The following TESK2 variants were observed in gnomAD, a reference collection of about 807,000 sequenced individuals.
The protein encoded by TESK2 is dual specificity testis-specific protein kinase 2.
A neutral mutation model predicts 57.1 loss-of-function variants in TESK2; 39 were observed. The observed-to-expected ratio is 0.68, with a 90% CI of 0.53 to 0.89. The LOEUF is 0.89. TESK2 is among the 40% of genes least tolerant of loss of function. The probability of loss-of-function intolerance (pLI) is 0.00; values close to 1 mark genes in which losing one functional copy is unlikely to be tolerated. For synonymous variants in TESK2, 249 were observed against 267.9 expected (o/e 0.93, Z 0.69); for missense variants, 646 against 732.1 (o/e 0.88, Z 1.36).
chr1:45,476,993 G>A (rs1437255858), intron 1 of TESK2, among the ~76,000 whole-genome samples: 1 of 146,344 alleles, frequency 6.8e-6, no homozygotes, highest in African/African-American at 2.5e-5. Context: ...GAAGAGGTGG[G>A]TTCTTACTAT....
At chr1:45,472,573 A>G (rs1652812886) in intron 1 of TESK2, among the ~76,000 whole-genome samples, 1 of 151,960 alleles carries the variant, frequency 6.6e-6, no homozygotes, top group Non-Finnish European at 1.5e-5. Context: ...AAAAAAAAAA[A>G]AAAGGTGATC....
Position 45,474,450 on chromosome 1 carries a change from G to T in TESK2, c.-87+16402C>A, listed in dbSNP as rs1210513227. 2.0e-5 allele frequency among the ~76,000 whole-genome samples: 3 copies of T among 152,142 alleles called. No individual in the cohort carries two copies. In the East Asian group the frequency reaches 5.8e-4, roughly 29 times the overall value. Reference sequence around the variant, plus strand: ...GAGACCAGCCTGGGCAACATAGCAAGACCCCATCTCTTTTTTTTTTATTGT... The same window carrying T: ...GAGACCAGCCTGGGCAACATAGCAATACCCCATCTCTTTTTTTTTTATTGT... On this transcript the variant is annotated intron_variant, in intron 1 of 10. Transcript: ENST00000372086.
rs562392240 is a variant in TESK2, at chr1:45,450,372, C to T, written c.222+7192G>A. ...ACTAAAAGTACAAAAATTACCTGGG[C>T]GTGGTGGCATGAGCCTGAAATCCCA... On this transcript the variant is annotated intron_variant, in intron 2 of 10. Transcript: ENST00000372086. Among the ~76,000 whole-genome samples, 9 of 152,122 alleles carry T rather than the reference C, an allele frequency of 5.9e-5. No homozygotes were observed. In the East Asian group the frequency reaches 7.7e-4, roughly 13 times the overall value.
intron 1 of TESK2, among the ~76,000 whole-genome samples, chr1:45,461,011 C>T (rs1166102582): frequency 6.6e-6 from 1 of 152,016 alleles, no homozygotes; most frequent in Non-Finnish European, 1.5e-5. Flanking sequence ...GTTTAAAACC[C>T]AGAGTCATGG....
At chr1:45,457,952 T>C (rs1434846789) in intron 1 of TESK2, 81 bp from the exon 2 acceptor site, 6 of 596,314 alleles carry the variant, frequency 1.0e-5, no homozygotes, top group Non-Finnish European at 1.8e-5. Context: ...TGCAAAAATA[T>C]TTCCTTTCAC....
chr1:45,467,920 C>T (rs1652619002), intron 1 of TESK2, among the ~76,000 whole-genome samples: 1 of 151,848 alleles, frequency 6.6e-6, no homozygotes, highest in East Asian at 1.9e-4. Flanking sequence ...CGTCTGTAAT[C>T]CCCCAACAAT....
At chr1:45,443,813 C>A (rs1651543645) in intron 2 of TESK2, among the ~76,000 whole-genome samples, 1 of 152,070 alleles carries the variant, frequency 6.6e-6, no homozygotes, top group Non-Finnish European at 1.5e-5. Context: ...CTAAACATCA[C>A]CTACCGGTGC....
At chr1:45,423,558 C>T (rs1262656655) in intron 2 of TESK2, among the ~76,000 whole-genome samples, 6 of 12,310 alleles carry the variant, frequency 4.9e-4, no homozygotes, top group South Asian at 3.1e-3. Context: ...TTCCGTCTCG[C>T]GAAAAAAAAA....
chr1:45,482,877 G>A (rs547870379), intron 1 of TESK2, among the ~76,000 whole-genome samples: 18 of 151,746 alleles, frequency 1.2e-4, no homozygotes, highest in Admixed American at 1.1e-3. Context: ...CTACTCGGGA[G>A]GCTGAGGCAG....
chr1:45,455,614 G>A (rs1029921338), intron 2 of TESK2, among the ~76,000 whole-genome samples: 7 of 152,120 alleles, frequency 4.6e-5, no homozygotes, highest in Admixed American at 1.3e-4. Flanking sequence ...GTGAGTTAAC[G>A]TTTCATGGGT....
In TESK2 at chr1:45,491,086, G is replaced by A. The variant is rs894871972; in HGVS notation, c.-321C>T. On this transcript the variant is annotated 5_prime_UTR_variant, in exon 1 of 11. Transcript: ENST00000372086. ...CGGGGCCGCTCCCCCCGCCTGTTTG[G>A]CGGGGCCAGGAGGACGATCCGACCA... 6.6e-6 allele frequency: 1 copy of A among 152,248 alleles called. No homozygotes were observed. The highest frequency in any genetic ancestry group is 1.5e-5 in the Non-Finnish European group (1 of 68,072). 9.4% of individuals were successfully genotyped at this position (152,248 alleles called of 1,614,324 possible).
intron 4 of TESK2, among the ~76,000 whole-genome samples, chr1:45,360,986 T>C (rs1248040542): frequency 2.0e-5 from 3 of 152,164 alleles, no homozygotes; most frequent in Admixed American, 6.5e-5. Context: ...CCAGCTAATT[T>C]TTGTATTTTT....
intron 1 of TESK2, among the ~76,000 whole-genome samples, chr1:45,477,757 C>T (rs898365231): frequency 1.3e-5 from 2 of 152,100 alleles, no homozygotes; most frequent in Non-Finnish European, 2.9e-5. Context: ...TTCTTTAGCC[C>T]GGCATTCGAA....
At chr1:45,365,394 C>T (rs1647870871) in intron 4 of TESK2, among the ~76,000 whole-genome samples, 1 of 152,178 alleles carries the variant, frequency 6.6e-6, no homozygotes, top group Non-Finnish European at 1.5e-5. Flanking sequence ...GTTAATAACC[C>T]AAAATATATT....
intron 3 of TESK2, chr1:45,415,016 T>C (rs1196172474): frequency 1.1e-6 from 1 of 948,224 alleles, no homozygotes; most frequent in African/African-American, 1.6e-5. Flanking sequence ...CCCCGTACTA[T>C]CAGCCATGGT....
chr1:45,352,239 G>C (rs1647250723), intron 5 of TESK2, among the ~76,000 whole-genome samples: 1 of 152,072 alleles, frequency 6.6e-6, no homozygotes, highest in African/African-American at 2.4e-5. Context: ...TCACCACCTG[G>C]AATTATCCTC....
At chr1:45,358,096 G>A (rs1241012459) in intron 4 of TESK2, among the ~76,000 whole-genome samples, 1 of 149,836 alleles carries the variant, frequency 6.7e-6, no homozygotes, top group Non-Finnish European at 1.5e-5. Flanking sequence ...GGCAGATCAC[G>A]AGGTCAGGAG....
At chr1:45,456,641 T>TGTA (rs1557580909) in intron 2 of TESK2, among the ~76,000 whole-genome samples, 1 of 151,858 alleles carries the variant, frequency 6.6e-6, no homozygotes. Context: ...GAAAATACAA[T>TGTA]GTAGAAAAGA....
chr1:45,393,506 G>A (rs190986114), intron 3 of TESK2, among the ~76,000 whole-genome samples: 3 of 152,292 alleles, frequency 2.0e-5, no homozygotes, highest in Admixed American at 2.0e-4. Context: ...ACTTTGGGAG[G>A]CCAAGGTGGG....
Sources: gnomAD v4.1 joint callset for allele counts (sites outside exome capture counted in the v4.1 genomes callset) on GRCh38, gnomAD v4.1.1 for gene constraint, MANE v1.5 for transcripts, NCBI Gene and HGNC (gene_info 2026-07-23, HGNC 2026-07-21) for gene names.